STXBP5L: variants seen among roughly 807,000 people sequenced by gnomAD.
STXBP5L encodes the protein syntaxin binding protein 5L.
In STXBP5L, 65 loss-of-function variants were observed where a neutral mutation model predicts 144.5. The observed-to-expected ratio is 0.45, with a 90% confidence interval of 0.37 to 0.55. STXBP5L has a LOEUF of 0.55. Ranked by LOEUF, STXBP5L falls within the 20% of genes least tolerant of loss-of-function variation. STXBP5L has a pLI of 0.00. For synonymous variants in STXBP5L, 505 were observed against 469.6 expected, an observed-to-expected ratio of 1.08 and a Z score of -0.97; for missense variants, 1,298 against 1,405.5, an observed-to-expected ratio of 0.92 and a Z score of 1.22.
intron 5 of STXBP5L, among the ~76,000 whole-genome samples, chr3:121,057,653 GTTTA>G (rs761147459): frequency 1.3e-5 from 2 of 151,818 alleles, no homozygotes; most frequent in African/African-American, 2.4e-5. Context: ...TTTAGCTGTA[GTTTA>G]TTTATTTTCA....
intron 19 of STXBP5L, among the ~76,000 whole-genome samples, chr3:121,283,894 C>T (rs338985): frequency 0.66 from 88,726 of 133,576 alleles, 26,466 homozygotes; most frequent in East Asian, 0.83. Context: ...TGTGTGTGTG[C>T]TTGTGTGTGT....
At chr3:121,348,731 T>G (rs920326294) in intron 20 of STXBP5L, among the ~76,000 whole-genome samples, 9 of 152,126 alleles carry the variant, frequency 5.9e-5, no homozygotes, top group Non-Finnish European at 1.2e-4. Flanking sequence ...CTAGATTTTG[T>G]AGTTTATTTG....
intron 2 of STXBP5L, among the ~76,000 whole-genome samples, chr3:120,929,372 C>T (rs1226976350): frequency 6.6e-6 from 1 of 151,832 alleles, no homozygotes; most frequent in African/African-American, 2.4e-5. Flanking sequence ...TAGTCAGTCT[C>T]TTGGTTATAT....
intron 9 of STXBP5L, among the ~76,000 whole-genome samples, chr3:121,180,992 A>C (rs997364894): frequency 2.0e-5 from 3 of 151,162 alleles, no homozygotes; most frequent in African/African-American, 7.3e-5. Context: ...GGAGAAGGAA[A>C]GGAAGAAAGG....
At chr3:121,233,772 T>C (rs2049382236) in intron 12 of STXBP5L, 84 bp downstream of exon 12, 2 of 1,056,370 alleles carry the variant, frequency 1.9e-6, no homozygotes, top group Non-Finnish European at 2.7e-6. Flanking sequence ...ATAGGAAGTA[T>C]TCTTTGTGTG....
At position 121,415,928 on chromosome 3, in the gene STXBP5L, G is replaced by T; in HGVS notation, c.3186G>T (p.Leu1062=). The change falls in exon 25 of 27, where the codon CTG becomes CTT. Residue 1062 remains leucine, a synonymous_variant. Coordinates refer to ENST00000471454, the MANE Select transcript of STXBP5L (RefSeq NM_001308330.2). ...EAQNRGFLKG[L]FGGSGQTFDR... ...AAAACAGAGGCTTTCTCAAGGGACT[G>T]TTTGGTGGAAGCGGACAAACATTTG... The T allele has an allele frequency of 6.2e-7, 1 of 1,613,418 alleles. No homozygotes were observed. The highest frequency in any genetic ancestry group is 8.5e-7 in the Non-Finnish European group (1 of 1,179,566).
At chr3:121,311,494 G>C (rs1000000198) in intron 19 of STXBP5L, among the ~76,000 whole-genome samples, 1 of 152,166 alleles carries the variant, frequency 6.6e-6, no homozygotes, top group African/African-American at 2.4e-5. Context: ...TGGTGGAATT[G>C]TTTATGAAAT....
At chr3:121,135,894 C>A (rs767395451) in intron 7 of STXBP5L, among the ~76,000 whole-genome samples, 2 of 152,150 alleles carry the variant, frequency 1.3e-5, no homozygotes, top group Non-Finnish European at 2.9e-5. Context: ...GGCCTCAAGC[C>A]CCCACTAATC....
intron 7 of STXBP5L, among the ~76,000 whole-genome samples, chr3:121,125,029 T>G (rs2044641431): frequency 6.6e-6 from 1 of 152,198 alleles, no homozygotes; most frequent in Non-Finnish European, 1.5e-5. Flanking sequence ...TTTGTTAATT[T>G]GTTGAATTAT....
At chr3:121,008,240 A>T (rs1054904266) in intron 3 of STXBP5L, among the ~76,000 whole-genome samples, 1 of 151,942 alleles carries the variant, frequency 6.6e-6, no homozygotes, top group Non-Finnish European at 1.5e-5. Context: ...CTAGCCCCTC[A>T]TAATAATCAG....
At chr3:121,018,302 A>G (rs1301080453) in intron 3 of STXBP5L, among the ~76,000 whole-genome samples, 1 of 152,174 alleles carries the variant, frequency 6.6e-6, no homozygotes, top group East Asian at 1.9e-4. Flanking sequence ...GGAGACTGTC[A>G]TTACTGGACT....
rs552633035 is a variant in STXBP5L at position 120,960,676 on chromosome 3, C to T, written c.287+5639C>T. On this transcript the variant is annotated intron_variant, in intron 3 of 26. Coordinates refer to ENST00000471454, the MANE Select transcript of STXBP5L (RefSeq NM_001308330.2). ...TGGCAAGGACAGAAAAACCAAATAC[C>T]GCGTGTTCTCACTCATAGGTGGGAA... Among the ~76,000 whole-genome samples the T allele has an allele frequency of 8.6e-5, 13 of 151,726 alleles. No individual in the cohort carries two copies. The East Asian group carries it at 9.7e-4, about 11-fold the overall frequency.
chr3:120,915,543 A>T (rs1432428069), intron 2 of STXBP5L, among the ~76,000 whole-genome samples: 3 of 152,126 alleles, frequency 2.0e-5, no homozygotes, highest in East Asian at 3.8e-4. Flanking sequence ...TATCAAAATG[A>T]TGATCTTTAT....
At chr3:121,036,168 A>G (rs1576732509) in intron 3 of STXBP5L, among the ~76,000 whole-genome samples, 2 of 152,146 alleles carry the variant, frequency 1.3e-5, no homozygotes, top group East Asian at 3.9e-4. Flanking sequence ...TCCCATCTCT[A>G]CTAAAACTGC....
At chr3:121,314,903 A>G (rs1279641884) in intron 19 of STXBP5L, among the ~76,000 whole-genome samples, 2 of 152,372 alleles carry the variant, frequency 1.3e-5, no homozygotes, top group East Asian at 3.9e-4. Flanking sequence ...ATTACTGGCC[A>G]TCAGAGAAAT....
chr3:121,413,505 G>A (rs765935024), intron 24 of STXBP5L, among the ~76,000 whole-genome samples, 182 bp downstream of exon 24: 2 of 152,104 alleles, frequency 1.3e-5, no homozygotes, highest in Non-Finnish European at 2.9e-5. Context: ...GTATTGCACA[G>A]AAATAATAAG....
intron 20 of STXBP5L, chr3:121,324,491 A>G: frequency 1.4e-6 from 1 of 692,206 alleles, no homozygotes; most frequent in Non-Finnish European, 2.6e-6. Context: ...CCCTTCCTTT[A>G]GGACTTGCTA....
chr3:121,294,214 TGA>T (rs1187753214), intron 19 of STXBP5L, among the ~76,000 whole-genome samples: 1 of 151,962 alleles, frequency 6.6e-6, no homozygotes, highest in African/African-American at 2.4e-5. Flanking sequence ...TTGACTAGGG[TGA>T]TAGCAACGCT....
intron 12 of STXBP5L, 90 bp downstream of exon 12, chr3:121,233,778 G>T (rs2049382376): frequency 2.0e-6 from 2 of 990,672 alleles, no homozygotes; most frequent in African/African-American, 3.3e-5. Context: ...AGTATTCTTT[G>T]TGTGAATATT....
Sources: gnomAD v4.1 joint callset for allele counts (sites outside exome capture counted in the v4.1 genomes callset) on GRCh38, gnomAD v4.1.1 for gene constraint, MANE v1.5 for transcripts, NCBI Gene and HGNC (gene_info 2026-07-23, HGNC 2026-07-21) for gene names.